The following TMTC2 variants were observed in gnomAD, a reference collection of about 807,000 sequenced individuals.
TMTC2 encodes the protein transmembrane O-mannosyltransferase targeting cadherins 2.
In TMTC2, 43 loss-of-function variants were observed where a neutral mutation model predicts 82.4. That is an observed-to-expected ratio of 0.52 (90% CI 0.41 to 0.67). TMTC2 has a LOEUF of 0.67. Ranked by LOEUF, TMTC2 falls within the 30% of genes least tolerant of loss-of-function variation. The pLI, the probability that TMTC2 is intolerant of heterozygous loss-of-function variation, is 0.00. For synonymous variants in TMTC2, 408 were observed against 381.9 expected (o/e 1.07, Z -0.80); for missense variants, 919 against 1,012.4 (o/e 0.91, Z 1.25).
chr12:82,767,216 C>T (rs1592504947), intron 1 of TMTC2, among the ~76,000 whole-genome samples: 2 of 152,256 alleles, frequency 1.3e-5, no homozygotes, highest in African/African-American at 2.4e-5. Context: ...ATTTTACTCC[C>T]CATACTTTGT....
chr12:82,746,364 G>C (rs1469083783), intron 1 of TMTC2, among the ~76,000 whole-genome samples: 3 of 152,092 alleles, frequency 2.0e-5, no homozygotes, highest in Non-Finnish European at 4.4e-5. Context: ...ATTAATAGTA[G>C]TATTTGGCAC....
intron 1 of TMTC2, among the ~76,000 whole-genome samples, chr12:82,743,875 T>C (rs1875542866): frequency 6.6e-6 from 1 of 152,226 alleles, no homozygotes; most frequent in South Asian, 2.1e-4. Context: ...GGATGTATTA[T>C]ATTTTGCATT....
chr12:82,985,778 TG>T lies in TMTC2; in HGVS notation c.1949-144del, dbSNP rs143638081. The T allele has an allele frequency of 1.0e-3, 1,047 of 1,048,240 alleles. 9 individuals carry two copies. In the African/African-American group the frequency reaches 0.015, roughly 15 times the overall value. The allele number at this position is 1,048,240 out of a possible 1,614,324, so 64.9% of individuals were successfully genotyped here. ...AAAATGGGAATCATGATGACTTCTT[TG>T]GGAATCAGATGAGAACATGAATGAA... On this transcript the variant is annotated intron_variant, in intron 7 of 11. Transcript: ENST00000321196.
chr12:82,904,950 C>T lies in TMTC2; in HGVS notation c.1483+8304C>T, dbSNP rs146536431. Among the ~76,000 whole-genome samples, 1,101 of 150,982 alleles carry T rather than the reference C, an allele frequency of 7.3e-3. 16 individuals are homozygous for T. The highest frequency in any genetic ancestry group is 0.032 in the Admixed American group (486 of 15,156). ...CTCTTCTATGATTTTTGCTTCCTCC[C>T]TAAACTAATCCATTCTTCAAGTTTT... On this transcript the variant is annotated intron_variant, in intron 3 of 11. Coordinates refer to ENST00000321196, the MANE Select transcript of TMTC2 (RefSeq NM_152588.3).
intron 8 of TMTC2, among the ~76,000 whole-genome samples, chr12:83,022,973 C>T (rs562109921): frequency 1.1e-4 from 17 of 152,102 alleles, no homozygotes; most frequent in Non-Finnish European, 2.1e-4. Context: ...ACATTGAGTT[C>T]GTATGAACAA....
intron 4 of TMTC2, among the ~76,000 whole-genome samples, chr12:82,934,138 GTGTCT>G (rs1876190028): frequency 6.6e-6 from 1 of 152,178 alleles, no homozygotes; most frequent in Admixed American, 6.5e-5. Flanking sequence ...CAGAGGTAAT[GTGTCT>G]AAGGTCACAC....
intron 4 of TMTC2, among the ~76,000 whole-genome samples, chr12:82,939,471 T>C (rs1281872264): frequency 6.6e-6 from 1 of 152,154 alleles, no homozygotes; most frequent in Non-Finnish European, 1.5e-5. Context: ...TTTTTGGGGT[T>C]TTAAAGTTAT....
chr12:82,928,760 C>G (rs1055167329), intron 3 of TMTC2, among the ~76,000 whole-genome samples: 2 of 152,080 alleles, frequency 1.3e-5, no homozygotes, highest in East Asian at 3.9e-4. Context: ...GTGTTGAGAG[C>G]TTGGTGAGAT....
intron 4 of TMTC2, among the ~76,000 whole-genome samples, chr12:82,939,597 C>A (rs1269321661): frequency 6.6e-6 from 1 of 151,930 alleles, no homozygotes; most frequent in Non-Finnish European, 1.5e-5. Context: ...GGATACTTAC[C>A]TATCATCTAG....
At chr12:82,809,232 T>TA (rs912343092) in intron 1 of TMTC2, among the ~76,000 whole-genome samples, 3 of 152,088 alleles carry the variant, frequency 2.0e-5, no homozygotes, top group Non-Finnish European at 4.4e-5. Flanking sequence ...AAATTGTTCT[T>TA]GGTTATATAT....
intron 1 of TMTC2, among the ~76,000 whole-genome samples, chr12:82,828,465 G>T (rs1869559471): frequency 6.6e-6 from 1 of 152,076 alleles, no homozygotes; most frequent in Non-Finnish European, 1.5e-5. Flanking sequence ...CCCCCAAAGT[G>T]CTGGGATTAC....
intron 11 of TMTC2, among the ~76,000 whole-genome samples, chr12:83,087,476 C>G (rs1034502107): frequency 5.3e-5 from 8 of 152,260 alleles, no homozygotes; most frequent in African/African-American, 1.9e-4. Flanking sequence ...TTTACTTTGC[C>G]CAGATCCATC....
At chr12:83,053,242 GA>G (rs1314264375) in intron 10 of TMTC2, among the ~76,000 whole-genome samples, 1 of 152,040 alleles carries the variant, frequency 6.6e-6, no homozygotes, top group Non-Finnish European at 1.5e-5. Flanking sequence ...AATTAAGTTT[GA>G]TATTCTTTTC....
chr12:83,088,617 G>C (rs1341711630), intron 11 of TMTC2, among the ~76,000 whole-genome samples: 1 of 152,180 alleles, frequency 6.6e-6, no homozygotes, highest in East Asian at 1.9e-4. Flanking sequence ...GAAAGATGGA[G>C]TAACAGCCAG....
intron 3 of TMTC2, among the ~76,000 whole-genome samples, chr12:82,920,395 G>A (rs978959187): frequency 9.2e-5 from 14 of 152,212 alleles, no homozygotes; most frequent in Admixed American, 5.9e-4. Context: ...TTTCTAGAGG[G>A]ACCTCACATT....
Position 82,965,681 on chromosome 12 carries a change from G to A in TMTC2, c.1806G>A (p.Lys602=). The change falls in exon 6 of 12, where the codon AAG becomes AAA. Residue 602 remains lysine (K), a synonymous_variant. Coordinates refer to ENST00000321196, the MANE Select transcript of TMTC2 (RefSeq NM_152588.3). ...DENLKDPHAH[K]SSVTSCLYNL... is the part of the protein sequence containing the mutation. Reference sequence around the variant, plus strand: ...ACCTAAAGGACCCTCATGCACACAAGAGCTCTGTTACCAGTTGTTTGTACA... The same window carrying A: ...ACCTAAAGGACCCTCATGCACACAAAAGCTCTGTTACCAGTTGTTTGTACA... 6.2e-7 allele frequency: 1 copy of A among 1,613,816 alleles called. No individual in the cohort carries two copies. Among genetic ancestry groups the A allele is most frequent in the Non-Finnish European group, 8.5e-7 (1 of 1,179,822 alleles).
At chr12:82,878,490 C>T (rs1043289949) in intron 2 of TMTC2, among the ~76,000 whole-genome samples, 1 of 152,076 alleles carries the variant, frequency 6.6e-6, no homozygotes, top group Admixed American at 6.6e-5. Context: ...AGGTAAAGAA[C>T]ATTTAAAATT....
At chr12:82,748,260 G>A (rs1011709115) in intron 1 of TMTC2, among the ~76,000 whole-genome samples, 4 of 151,464 alleles carry the variant, frequency 2.6e-5, no homozygotes, top group Middle Eastern at 3.4e-3. Flanking sequence ...GCAGTGAGCC[G>A]AGATCACACC....
At chr12:83,010,490 A>G (rs1363509219) in intron 8 of TMTC2, among the ~76,000 whole-genome samples, 1 of 152,168 alleles carries the variant, frequency 6.6e-6, no homozygotes, top group Non-Finnish European at 1.5e-5. Flanking sequence ...GTTTACCTGC[A>G]TGTATTTACA....
Sources: gnomAD v4.1 joint callset for allele counts (sites outside exome capture counted in the v4.1 genomes callset) on GRCh38, gnomAD v4.1.1 for gene constraint, MANE v1.5 for transcripts, NCBI Gene and HGNC (gene_info 2026-07-23, HGNC 2026-07-21) for gene names.